The following TNR variants were observed in gnomAD, a reference collection of about 807,000 sequenced individuals.
TNR encodes tenascin R.
In TNR, 45 loss-of-function variants were observed where a neutral mutation model predicts 150.4. The ratio of observed to expected loss-of-function variants is 0.30; its 90% CI spans 0.24 to 0.38. TNR has a LOEUF of 0.38. Among genes scored for constraint, TNR ranks in the 10% least tolerant of loss-of-function variants. TNR has a pLI of 1.00. For missense variants in TNR, 1,544 were observed against 1,759.1 expected (o/e 0.88, Z 2.19); for synonymous variants, 687 against 678.4 (o/e 1.01, Z -0.20).
intron 2 of TNR, among the ~76,000 whole-genome samples, chr1:175,495,699 C>A (rs1658458120): frequency 6.6e-6 from 1 of 152,224 alleles, no homozygotes; most frequent in African/African-American, 2.4e-5. Context: ...TGTGGCCATT[C>A]CCTCAAGACA....
chr1:175,661,373 GC>G (rs1306254553), intron 1 of TNR, among the ~76,000 whole-genome samples: 2 of 152,156 alleles, frequency 1.3e-5, no homozygotes, highest in Non-Finnish European at 2.9e-5. Context: ...ACTGTTTTAA[GC>G]CCCCCTAAAT....
intron 1 of TNR, among the ~76,000 whole-genome samples, chr1:175,634,011 T>C (rs1371620047): frequency 3.8e-5 from 3 of 79,788 alleles, no homozygotes; most frequent in South Asian, 4.2e-4. Context: ...ATGATGATGA[T>C]GACGATGATG....
chr1:175,651,379 C>T (rs926325214), intron 1 of TNR, among the ~76,000 whole-genome samples: 4 of 151,748 alleles, frequency 2.6e-5, no homozygotes, highest in Non-Finnish European at 4.4e-5. Flanking sequence ...GGATGAGTGG[C>T]GGATGGAAAG....
chr1:175,376,530 C>T (rs1316502890), intron 9 of TNR, among the ~76,000 whole-genome samples: 1 of 152,220 alleles, frequency 6.6e-6, no homozygotes, highest in Non-Finnish European at 1.5e-5. Flanking sequence ...TCAGATCAAA[C>T]TGTGTCTGAA....
chr1:175,637,665 TCC>T (rs1158816918), intron 1 of TNR, among the ~76,000 whole-genome samples: 1 of 152,146 alleles, frequency 6.6e-6, no homozygotes. Context: ...GCCAAAATAA[TCC>T]AGGTATCAGC....
At chr1:175,533,506 C>A (rs1665693405) in intron 1 of TNR, among the ~76,000 whole-genome samples, 1 of 152,158 alleles carries the variant, frequency 6.6e-6, no homozygotes, top group South Asian at 2.1e-4. Flanking sequence ...TCAGCCTTGG[C>A]TATTTAGGTT....
At chr1:175,676,445 C>A (rs1465343957) in intron 1 of TNR, among the ~76,000 whole-genome samples, 1 of 152,134 alleles carries the variant, frequency 6.6e-6, no homozygotes, top group Non-Finnish European at 1.5e-5. Context: ...TCCCAGCTAA[C>A]CTGGTGAGTG....
At chr1:175,547,751 G>T (rs1660770395) in intron 1 of TNR, among the ~76,000 whole-genome samples, 1 of 152,214 alleles carries the variant, frequency 6.6e-6, no homozygotes, top group Admixed American at 6.5e-5. Context: ...CATGTGCAAA[G>T]GCACCAAAGT....
rs547830469 is a variant in TNR, at chr1:175,618,409, G to A, written c.-164-90040C>T. Among the ~76,000 whole-genome samples, 34 of 152,252 alleles carry A rather than the reference G, an allele frequency of 2.2e-4. 1 individual carries two copies. Among genetic ancestry groups the A allele is most frequent in the African/African-American group, 8.2e-4 (34 of 41,548 alleles). On this transcript the variant is annotated intron_variant, in intron 1 of 22. Coordinates refer to ENST00000367674, the MANE Select transcript of TNR (RefSeq NM_003285.3). ...CAATGCAGACAGTACAAATCAACCTGGCAGGGCTGGTTATTTTTCCCCTCT... is the reference window on the plus strand; with the variant it reads ...CAATGCAGACAGTACAAATCAACCTAGCAGGGCTGGTTATTTTTCCCCTCT...
intron 1 of TNR, among the ~76,000 whole-genome samples, chr1:175,648,968 G>T (rs967952026): frequency 6.6e-6 from 1 of 152,116 alleles, no homozygotes. Flanking sequence ...CTCAGGCCTG[G>T]ACTACCTCAG....
intron 1 of TNR, among the ~76,000 whole-genome samples, chr1:175,683,850 C>A (rs557682017): frequency 6.6e-6 from 1 of 152,316 alleles, no homozygotes; most frequent in Non-Finnish European, 1.5e-5. Flanking sequence ...CAATAGCTGA[C>A]AATGAAGCAG....
At chr1:175,687,014 G>A (rs59738197) in intron 1 of TNR, among the ~76,000 whole-genome samples, 3,545 of 152,232 alleles carry the variant, frequency 0.023, 139 homozygotes, top group African/African-American at 0.081. Context: ...CCAGTAGTGG[G>A]ATTGCTAGGG....
At chr1:175,413,128 C>T (rs766727267) in intron 2 of TNR, among the ~76,000 whole-genome samples, 2 of 152,188 alleles carry the variant, frequency 1.3e-5, no homozygotes, top group Admixed American at 6.5e-5. Context: ...CAGGCTCAAG[C>T]AATTCTCCTG....
intron 2 of TNR, among the ~76,000 whole-genome samples, chr1:175,501,191 C>T (rs1242807452): frequency 6.6e-6 from 1 of 152,112 alleles, no homozygotes; most frequent in East Asian, 1.9e-4. Flanking sequence ...TCATGTGAGC[C>T]TTTAAAAGAA....
At chr1:175,646,592 T>TTATCTGA (rs151277531) in intron 1 of TNR, among the ~76,000 whole-genome samples, 2,121 of 152,268 alleles carry the variant, frequency 0.014, 49 homozygotes, top group African/African-American at 0.049. Context: ...GCCTTAGACA[T>TTATCTGA]TATCTGATCC....
intron 18 of TNR, among the ~76,000 whole-genome samples, chr1:175,343,552 CTGTT>C (rs1650628896): frequency 6.6e-6 from 1 of 152,118 alleles, no homozygotes; most frequent in Non-Finnish European, 1.5e-5. Flanking sequence ...TTCCATTACT[CTGTT>C]TATTTATTTA....
At chr1:175,344,967 G>T (rs1393335558) in intron 18 of TNR, among the ~76,000 whole-genome samples, 1 of 152,032 alleles carries the variant, frequency 6.6e-6, no homozygotes, top group Non-Finnish European at 1.5e-5. Flanking sequence ...AGTTAGCTGG[G>T]CGTAGTGGCG....
intron 9 of TNR, among the ~76,000 whole-genome samples, chr1:175,377,736 C>T (rs2236877): frequency 0.24 from 36,814 of 152,014 alleles, 5,334 homozygotes; most frequent in East Asian, 0.52. Flanking sequence ...CCTTGTTTAC[C>T]GTATGCACTC....
At chr1:175,544,133 G>A (rs1449884067) in intron 1 of TNR, among the ~76,000 whole-genome samples, 1 of 152,230 alleles carries the variant, frequency 6.6e-6, no homozygotes, top group East Asian at 1.9e-4. Flanking sequence ...TCAGGTATGT[G>A]GGAGAGCCTT....
Sources: gnomAD v4.1 joint callset for allele counts (sites outside exome capture counted in the v4.1 genomes callset) on GRCh38, gnomAD v4.1.1 for gene constraint, MANE v1.5 for transcripts, NCBI Gene and HGNC (gene_info 2026-07-23, HGNC 2026-07-21) for gene names.